FGF14: variants seen among roughly 807,000 people sequenced by gnomAD.
FGF14 encodes the protein fibroblast growth factor homologous factor 4.
Under a neutral mutation model 25.5 loss-of-function variants are expected in FGF14, and 5 were observed. That is an observed-to-expected ratio of 0.20 (90% CI 0.10 to 0.41). FGF14 has a LOEUF of 0.41. Among genes scored for constraint, FGF14 ranks in the 10% least tolerant of loss-of-function variants. FGF14 has a pLI of 1.00. For synonymous variants in FGF14, 138 were observed against 118.3 expected, an observed-to-expected ratio of 1.17 and a Z score of -1.08; for missense variants, 222 against 320.1, an observed-to-expected ratio of 0.69 and a Z score of 2.34.
In FGF14 at chr13:101,717,119, T is replaced by G. The variant is rs1014082881; in HGVS notation, c.*5712A>C. The stretch of plus-strand genomic sequence containing the variant: ...AGATGAAAATTTTTACTTGGAAATT[T>G]TATTTTAATGATGTAAATATTCTAG... On this transcript the variant is annotated 3_prime_UTR_variant, in exon 5 of 5. Coordinates refer to ENST00000376143, the MANE Select transcript of FGF14 (RefSeq NM_004115.4). 2.6e-5 allele frequency: 4 copies of G among 152,146 alleles called. No individual in the cohort carries two copies. Among genetic ancestry groups the G allele is most frequent in the African/African-American group, 9.6e-5 (4 of 41,454 alleles). The allele number at this position is 152,146 out of a possible 1,614,324, so 9.4% of individuals were successfully genotyped here. A position where few individuals can be genotyped will look rare whatever the true frequency, so the allele number is the denominator to read the frequency against.
intron 1 of FGF14, among the ~76,000 whole-genome samples, chr13:101,966,654 T>G (rs1436705961): frequency 6.6e-6 from 1 of 152,126 alleles, no homozygotes; most frequent in Non-Finnish European, 1.5e-5. Flanking sequence ...AGCTAATTTT[T>G]GTATTTTTAG....
At chr13:102,221,016 A>G (rs550186801) in intron 1 of FGF14, among the ~76,000 whole-genome samples, 1 of 152,340 alleles carries the variant, frequency 6.6e-6, no homozygotes, top group African/African-American at 2.4e-5. Flanking sequence ...TACTCTGTAA[A>G]TAGGTTATGG....
At chr13:102,125,355 G>C (rs980274735) in intron 1 of FGF14, among the ~76,000 whole-genome samples, 1 of 152,054 alleles carries the variant, frequency 6.6e-6, no homozygotes, top group Admixed American at 6.6e-5. Context: ...ATAGAAAACC[G>C]TAAGAGTCAC....
intron 1 of FGF14, among the ~76,000 whole-genome samples, chr13:102,037,109 T>C (rs2041514282): frequency 6.6e-6 from 1 of 152,130 alleles, no homozygotes; most frequent in Non-Finnish European, 1.5e-5. Context: ...CTAATTACTA[T>C]CATGGATTAA....
At chr13:102,030,658 A>T (rs1276894026) in intron 1 of FGF14, among the ~76,000 whole-genome samples, 2 of 152,086 alleles carry the variant, frequency 1.3e-5, no homozygotes, top group East Asian at 3.9e-4. Context: ...GGCTTCACTG[A>T]TGTCTTGGGT....
chr13:101,878,953 AG>A (rs915307694), intron 1 of FGF14, among the ~76,000 whole-genome samples: 5 of 151,848 alleles, frequency 3.3e-5, no homozygotes, highest in Admixed American at 6.6e-5. Flanking sequence ...AAGGCCTACA[AG>A]TATTTTTGTT....
At chr13:102,200,710 T>C (rs2049578537) in intron 1 of FGF14, among the ~76,000 whole-genome samples, 1 of 151,942 alleles carries the variant, frequency 6.6e-6, no homozygotes, top group South Asian at 2.1e-4. Flanking sequence ...AGACTCTACT[T>C]ACTATTTGTG....
chr13:102,206,543 T>C (rs529523364), intron 1 of FGF14, among the ~76,000 whole-genome samples: 1 of 152,066 alleles, frequency 6.6e-6, no homozygotes, highest in South Asian at 2.1e-4. Flanking sequence ...TAGCCAGGCA[T>C]GGTGATGTGC....
At chr13:101,909,604 G>C (rs1386651264) in intron 1 of FGF14, among the ~76,000 whole-genome samples, 2 of 152,198 alleles carry the variant, frequency 1.3e-5, no homozygotes, top group African/African-American at 4.8e-5. Context: ...AGGTGATAGA[G>C]AGGATGTGGA....
chr13:102,289,499 A>G (rs2054271159), intron 1 of FGF14, among the ~76,000 whole-genome samples: 2 of 152,222 alleles, frequency 1.3e-5, no homozygotes, highest in Non-Finnish European at 2.9e-5. Flanking sequence ...GTAAAAGAAT[A>G]AGGATGGCTA....
chr13:102,324,120 A>G (rs1418428383), intron 1 of FGF14, among the ~76,000 whole-genome samples: 2 of 152,092 alleles, frequency 1.3e-5, no homozygotes, highest in Admixed American at 6.6e-5. Flanking sequence ...TTTTACACTC[A>G]AGGACAATAA....
chr13:102,029,684 G>A (rs2041113487), intron 1 of FGF14, among the ~76,000 whole-genome samples: 1 of 152,046 alleles, frequency 6.6e-6, no homozygotes, highest in Non-Finnish European at 1.5e-5. Flanking sequence ...AAAATCTTTG[G>A]AATAACATAA....
chr13:102,384,402 T>G (rs2058254619), intron 1 of FGF14, among the ~76,000 whole-genome samples: 1 of 152,164 alleles, frequency 6.6e-6, no homozygotes, highest in South Asian at 2.1e-4. Flanking sequence ...CAACTCAAAT[T>G]CCTACCCCTC....
chr13:102,004,897 C>T (rs75858837), intron 1 of FGF14, among the ~76,000 whole-genome samples: 1 of 152,138 alleles, frequency 6.6e-6, no homozygotes, highest in Non-Finnish European at 1.5e-5. Flanking sequence ...TTTGCGTCCC[C>T]TTCTGATATG....
chr13:101,917,248 A>G (rs1051620984), upstream of FGF14, among the ~76,000 whole-genome samples: 1 of 152,048 alleles, frequency 6.6e-6, no homozygotes, highest in African/African-American at 2.4e-5. Flanking sequence ...GGAGAGACCA[A>G]TCTTCTCCCC....
At chr13:102,295,742 C>T (rs529625237) in intron 1 of FGF14, among the ~76,000 whole-genome samples, 15 of 152,218 alleles carry the variant, frequency 9.9e-5, no homozygotes, top group African/African-American at 3.4e-4. Flanking sequence ...TTCATACAAC[C>T]ATATTAGCAG....
At chr13:102,003,417 C>T (rs2039607788) in intron 1 of FGF14, 1 of 152,110 alleles carries the variant, frequency 6.6e-6, no homozygotes, top group African/African-American at 2.4e-5. Flanking sequence ...ATGAGGCTGA[C>T]TGGATTATAA....
chr13:102,295,483 A>G (rs1352346455), intron 1 of FGF14, among the ~76,000 whole-genome samples: 1 of 151,926 alleles, frequency 6.6e-6, no homozygotes, highest in Non-Finnish European at 1.5e-5. Context: ...ATACCTTTGC[A>G]CTGTGTGGTT....
In FGF14 at chr13:101,819,398, G is replaced by A. The variant is rs143746132; in HGVS notation, c.408+49327C>T. Among the ~76,000 whole-genome samples, 7 of 152,256 alleles carry A rather than the reference G, an allele frequency of 4.6e-5. No individual in the cohort carries two copies. In the South Asian group the frequency reaches 1.2e-3, roughly 27 times the overall value. On this transcript the variant is annotated intron_variant, in intron 3 of 4. Transcript: ENST00000376143. ...TAATCCAGAGATCCTGTGATAACCC[G>A]GTTAGCAGTGGGGAATCTTGCCCCA... is the stretch of plus-strand genomic sequence containing the variant.
Sources: allele counts gnomAD v4.1 joint callset (sites outside exome capture counted in the v4.1 genomes callset), GRCh38; gene constraint gnomAD v4.1.1; transcripts MANE v1.5; gene names NCBI Gene and HGNC (gene_info 2026-07-23, HGNC 2026-07-21).